The following MYO6 variants were observed in gnomAD, a reference collection of about 807,000 sequenced individuals.
MYO6 encodes the protein unconventional myosin-VI.
A neutral mutation model predicts 178.7 loss-of-function variants in MYO6; 74 were observed. The observed-to-expected ratio is 0.41, with a 90% CI of 0.34 to 0.50. The LOEUF (loss-of-function observed/expected upper bound fraction) is 0.50, where lower values mean the gene tolerates loss of function less well. Ranked by LOEUF, MYO6 falls within the 20% of genes least tolerant of loss-of-function variation. The pLI is 0.09. For synonymous variants in MYO6, 477 were observed against 504.6 expected, an observed-to-expected ratio of 0.95 and a Z score of 0.73; for missense variants, 1,330 against 1,547.4, an observed-to-expected ratio of 0.86 and a Z score of 2.36.
At chr6:75,779,711 A>G (rs555162782) in intron 1 of MYO6, among the ~76,000 whole-genome samples, 1 of 152,308 alleles carries the variant, frequency 6.6e-6, no homozygotes, top group South Asian at 2.1e-4. Flanking sequence ...AGAAAAGTAG[A>G]AAGAAAAAGG....
At chr6:75,906,771 T>G (rs1302497917) in intron 30 of MYO6, among the ~76,000 whole-genome samples, 1 of 152,210 alleles carries the variant, frequency 6.6e-6, no homozygotes. Flanking sequence ...TTGAATTTAT[T>G]TCATTTTATT....
At chr6:75,816,236 A>G (rs1771230836) in intron 1 of MYO6, among the ~76,000 whole-genome samples, 1 of 152,270 alleles carries the variant, frequency 6.6e-6, no homozygotes, top group South Asian at 2.1e-4. Context: ...ATGAAAGAAG[A>G]CAGACATGAA....
rs750617256 is a variant in MYO6, at chr6:75,866,629, T to TA, written c.1770+10dup. 7 of 1,608,280 alleles carry TA rather than the reference T, an allele frequency of 4.4e-6. No homozygotes were observed. In the African/African-American group the frequency reaches 9.4e-5, roughly 21 times the overall value. ...GCAGTGTGCTATGAAACAGTGAGTA[T>TA]AACTTTTACAAGGAGAAAACCATTT... On this transcript the variant is annotated intron_variant, in intron 17 of 34. Coordinates refer to ENST00000369977, the MANE Select transcript of MYO6 (RefSeq NM_004999.4).
In MYO6 at chr6:75,917,450, A is replaced by G. The variant is rs1781179010; in HGVS notation, c.*2438A>G. On this transcript the variant is annotated 3_prime_UTR_variant, in exon 35 of 35. Transcript: ENST00000369977. ...TGGTAACACAGTTGAGATATGTATT[A>G]TGAGTTATGGGAACTAATTGAGAAA... 1 of 152,570 alleles carries G rather than the reference A, an allele frequency of 6.6e-6. No individual in the cohort carries two copies. 9.5% of individuals were successfully genotyped at this position (152,570 alleles called of 1,614,324 possible). A position where few individuals can be genotyped will look rare whatever the true frequency, so the allele number is the denominator to read the frequency against.
At chr6:75,890,035 C>A in intron 25 of MYO6, 22 bp from the exon 26 acceptor site, 1 of 1,516,376 alleles carries the variant, frequency 6.6e-7, no homozygotes, top group South Asian at 1.1e-5. Flanking sequence ...TTTTACGTAC[C>A]TATTTATTTT....
rs1457791340 is a variant in MYO6 at position 75,750,140 on chromosome 6, G to T, written c.-48+717G>T. Reference sequence around the variant, plus strand: ...AGACGGAGCCTTGGTCTGTCGCCCAGGCTGGAGTGCGGTGGTGCGATTTCC... The same window carrying T: ...AGACGGAGCCTTGGTCTGTCGCCCATGCTGGAGTGCGGTGGTGCGATTTCC... On this transcript the variant is annotated intron_variant, in intron 1 of 34. Transcript: ENST00000369977. Among the ~76,000 whole-genome samples, 3 of 146,518 alleles carry T rather than the reference G, an allele frequency of 2.0e-5. No individual in the cohort carries two copies. The Admixed American group carries it at 2.1e-4, about 10-fold the overall frequency.
chr6:75,782,981 C>T (rs1357587924), intron 1 of MYO6, among the ~76,000 whole-genome samples: 10 of 142,836 alleles, frequency 7.0e-5, no homozygotes, highest in East Asian at 4.1e-4. Flanking sequence ...GTGGCATGAT[C>T]GCAGCTCACT....
At chr6:75,789,950 A>G (rs547697341) in intron 1 of MYO6, among the ~76,000 whole-genome samples, 55 of 152,068 alleles carry the variant, frequency 3.6e-4, no homozygotes, top group African/African-American at 1.3e-3. Context: ...TATGAAATCA[A>G]TTTTTTTAGA....
At chr6:75,753,334 T>C (rs1469114838) in intron 1 of MYO6, among the ~76,000 whole-genome samples, 1 of 151,978 alleles carries the variant, frequency 6.6e-6, no homozygotes, top group African/African-American at 2.4e-5. Context: ...ATTACTAATA[T>C]AAATTGGTAA....
intron 19 of MYO6, among the ~76,000 whole-genome samples, chr6:75,872,910 G>A (rs890997511): frequency 6.6e-6 from 1 of 151,982 alleles, no homozygotes; most frequent in East Asian, 1.9e-4. Context: ...CTCCCAAGTA[G>A]CTGGGATTGC....
chr6:75,866,475 A>T, intron 16 of MYO6, 51 bp from the exon 17 acceptor site: 1 of 1,374,036 alleles, frequency 7.3e-7, no homozygotes, highest in Non-Finnish European at 1.0e-6. Context: ...AAGAATGATT[A>T]TGTAATATAT....
intron 24 of MYO6, among the ~76,000 whole-genome samples, chr6:75,886,332 C>T (rs1778429345): frequency 6.6e-6 from 1 of 152,138 alleles, no homozygotes; most frequent in Non-Finnish European, 1.5e-5. Flanking sequence ...TGTGTAAAGA[C>T]TATAAAACAA....
intron 30 of MYO6, among the ~76,000 whole-genome samples, chr6:75,901,035 G>C (rs1779730646): frequency 6.6e-6 from 1 of 152,048 alleles, no homozygotes; most frequent in Non-Finnish European, 1.5e-5. Flanking sequence ...TCAAAGATCA[G>C]ATAGTTGTAG....
chr6:75,911,006 G>A (rs1780718804), intron 32 of MYO6, among the ~76,000 whole-genome samples: 1 of 152,058 alleles, frequency 6.6e-6, no homozygotes, highest in Admixed American at 6.5e-5. Context: ...TTAAAATAAT[G>A]CATAAGGAGC....
chr6:75,869,070 A>C (rs1210860987), intron 18 of MYO6, among the ~76,000 whole-genome samples: 4 of 59,852 alleles, frequency 6.7e-5, no homozygotes, highest in Non-Finnish European at 8.9e-5. Context: ...CTTTATCTCC[A>C]TTTTTTTTTT....
At chr6:75,849,433 C>T (rs1360602629) in intron 11 of MYO6, among the ~76,000 whole-genome samples, 1 of 152,140 alleles carries the variant, frequency 6.6e-6, no homozygotes, top group Non-Finnish European at 1.5e-5. Context: ...TGTTAGATCC[C>T]AGAGGCTCTC....
chr6:75,900,180 A>G (rs1581955109), intron 30 of MYO6, among the ~76,000 whole-genome samples: 1 of 151,924 alleles, frequency 6.6e-6, no homozygotes, highest in East Asian at 1.9e-4. Flanking sequence ...ATTGTGAATA[A>G]TGCCACAATA....
intron 23 of MYO6, among the ~76,000 whole-genome samples, chr6:75,882,617 TA>T (rs375405429): frequency 0.016 from 2,357 of 151,968 alleles, 37 homozygotes; most frequent in South Asian, 0.037. Context: ...GTAAAAATAA[TA>T]AAAAAAGATA....
Position 75,867,018 on chromosome 6 carries a change from A to G in MYO6, c.1857A>G (p.Glu619=), listed in dbSNP as rs748795708. The G allele has an allele frequency of 6.2e-7, 1 of 1,613,626 alleles. No homozygotes were observed. Among genetic ancestry groups the G allele is most frequent in the Non-Finnish European group, 8.5e-7 (1 of 1,179,556 alleles). ...ICESRDKFIR[E]LFESSTNNNK... ...AATCCAGAGATAAGTTTATACGGGA[A>G]TTATTTGAATCATCCACAAATAACA... Residue 619 remains glutamate (E), a synonymous_variant, in exon 18 of 35, where the codon GAA becomes GAG. Coordinates refer to ENST00000369977, the MANE Select transcript of MYO6 (RefSeq NM_004999.4).
Sources: allele counts gnomAD v4.1 joint callset (sites outside exome capture counted in the v4.1 genomes callset), GRCh38; gene constraint gnomAD v4.1.1; transcripts MANE v1.5; gene names NCBI Gene and HGNC (gene_info 2026-07-23, HGNC 2026-07-21).